IFT74: variants seen among roughly 807,000 people sequenced by gnomAD.
The protein encoded by IFT74 is intraflagellar transport 74, also known as intraflagellar transport protein 74 homolog.
IFT74 carries 92 observed loss-of-function variants against 96.7 expected under a neutral mutation model. The ratio of observed to expected loss-of-function variants is 0.95; its 90% CI spans 0.80 to 1.13. IFT74 has a LOEUF of 1.13. Ranked by LOEUF, IFT74 falls within the 50% of genes most tolerant of loss-of-function variation. The pLI, the probability that IFT74 is intolerant of heterozygous loss-of-function variation, is 0.00. For synonymous variants in IFT74, 223 were observed against 213.2 expected (o/e 1.05, Z -0.40); for missense variants, 811 against 698.2 (o/e 1.16, Z -1.82).
rs756020010 is a variant in IFT74, at chr9:26,988,676, ATAAACT to A, written c.477_482del (p.Lys159_Leu160del). On this transcript the variant is annotated inframe_deletion, in exon 7 of 20. Coordinates refer to ENST00000380062, the MANE Select transcript of IFT74 (RefSeq NM_025103.4). ...TTGTATTTTTGTTTTTAGTTGGTAG[ATAAACT>A]TAATACCAACACTGAAATGGAAGAA... The A allele has an allele frequency of 9.0e-6, 14 of 1,547,130 alleles. No homozygotes were observed. Among genetic ancestry groups the A allele is most frequent in the African/African-American group, 1.4e-5 (1 of 72,674 alleles).
At chr9:27,034,656 G>A (rs1243348236) in intron 13 of IFT74, among the ~76,000 whole-genome samples, 2 of 152,182 alleles carry the variant, frequency 1.3e-5, no homozygotes, top group African/African-American at 2.4e-5. Context: ...AGCCTCCCAA[G>A]TAGCTGGGAT....
intron 1 of IFT74, among the ~76,000 whole-genome samples, chr9:26,959,404 C>T (rs555659834): frequency 1.3e-4 from 20 of 152,214 alleles, no homozygotes; most frequent in Admixed American, 3.3e-4. Context: ...CCACCGCGCC[C>T]GGCTGGATAT....
intron 12 of IFT74, among the ~76,000 whole-genome samples, chr9:27,026,119 A>G (rs1829851411): frequency 6.6e-6 from 1 of 152,194 alleles, no homozygotes; most frequent in Admixed American, 6.5e-5. Flanking sequence ...TCTCACATAA[A>G]CTTAAGGTAA....
chr9:27,018,599 A>G (rs1440936077), intron 11 of IFT74, 48 bp from the exon 12 acceptor site: 1 of 1,028,210 alleles, frequency 9.7e-7, no homozygotes, highest in East Asian at 2.5e-5. Context: ...AGATAGCCTT[A>G]CAATGAGTTA....
intron 2 of IFT74, among the ~76,000 whole-genome samples, chr9:26,975,422 G>T (rs1463113138): frequency 1.3e-5 from 2 of 152,156 alleles, no homozygotes; most frequent in Non-Finnish European, 2.9e-5. Flanking sequence ...ATTTTGGCCG[G>T]AAAACTGAGG....
chr9:26,963,607 C>G (rs1826468674), intron 2 of IFT74, among the ~76,000 whole-genome samples: 1 of 151,192 alleles, frequency 6.6e-6, no homozygotes, highest in Non-Finnish European at 1.5e-5. Context: ...TCTCCACATC[C>G]TCTCCAGCAC....
At position 27,040,868 on chromosome 9, in the gene IFT74, C is replaced by T. The variant is rs149499621; in HGVS notation, c.1055-3874C>T. On this transcript the variant is annotated intron_variant, in intron 13 of 19. Coordinates refer to ENST00000380062, the MANE Select transcript of IFT74 (RefSeq NM_025103.4). ...AGAACTACTTCTCAGAGTATAAAAGCCTATAAAGCCTGAGTCAGGAGAACG... is the reference window on the plus strand; with the variant it reads ...AGAACTACTTCTCAGAGTATAAAAGTCTATAAAGCCTGAGTCAGGAGAACG... Among the ~76,000 whole-genome samples the T allele has an allele frequency of 3.4e-3, 512 of 152,162 alleles. 3 individuals are homozygous for T. Among genetic ancestry groups the T allele is most frequent in the Non-Finnish European group, 5.9e-3 (399 of 68,006 alleles).
In IFT74 at chr9:27,030,007, A is replaced by G. The variant is rs1043134738; in HGVS notation, c.1054+903A>G. The stretch of plus-strand genomic sequence containing the variant: ...GGGAGCTTGGGGTTTGACTATGTAG[A>G]AATACTGTGGTGGGGGTTTGGGTGT... On this transcript the variant is annotated intron_variant, in intron 13 of 19. Coordinates refer to ENST00000380062, the MANE Select transcript of IFT74 (RefSeq NM_025103.4). 1.8e-4 allele frequency among the ~76,000 whole-genome samples: 27 copies of G among 152,112 alleles called. No individual in the cohort carries two copies. The East Asian group carries it at 4.3e-3, about 24-fold the overall frequency.
At chr9:27,024,778 G>GA (rs944017168) in intron 12 of IFT74, among the ~76,000 whole-genome samples, 2 of 151,810 alleles carry the variant, frequency 1.3e-5, no homozygotes, top group East Asian at 3.9e-4. Context: ...GGATATGGAT[G>GA]AAAAAAATCT....
intron 1 of IFT74, among the ~76,000 whole-genome samples, chr9:26,951,332 A>G (rs546847235): frequency 2.6e-4 from 39 of 152,222 alleles, no homozygotes; most frequent in Admixed American, 5.9e-4. Context: ...AGGAATTGTA[A>G]CAGGGATGGT....
At chr9:27,043,282 G>T (rs1477744278) in intron 13 of IFT74, among the ~76,000 whole-genome samples, 1 of 152,124 alleles carries the variant, frequency 6.6e-6, no homozygotes, top group Non-Finnish European at 1.5e-5. Flanking sequence ...TCAGCATCAG[G>T]GTTGTCGTCA....
At chr9:26,965,384 G>A (rs1049013414) in intron 2 of IFT74, among the ~76,000 whole-genome samples, 5 of 151,964 alleles carry the variant, frequency 3.3e-5, no homozygotes, top group Admixed American at 1.3e-4. Context: ...AGCATTTTTT[G>A]GAGGGAATAA....
Position 26,980,633 on chromosome 9 carries a change from A to C in IFT74, c.305+14A>C. ...TGGGCTTCTTAGGTATGTTAAACAT[A>C]TCTTTTCATCCGTATGTTTTACTCG... On this transcript the variant is annotated intron_variant, in intron 4 of 19. Transcript: ENST00000380062. 2 of 1,544,014 alleles carry C rather than the reference A, an allele frequency of 1.3e-6. No homozygotes were observed. The highest frequency in any genetic ancestry group is 1.8e-6 in the Non-Finnish European group (2 of 1,119,912).
rs1484488045 is a variant in IFT74, at chr9:27,005,699, T to C, written c.588-3321T>C. The C allele has an allele frequency of 8.5e-5, 13 of 152,254 alleles. No homozygotes were observed. In the South Asian group the frequency reaches 2.5e-3, roughly 29 times the overall value. 9.4% of individuals were successfully genotyped at this position (152,254 alleles called of 1,614,324 possible). On this transcript the variant is annotated intron_variant, in intron 8 of 19. Coordinates refer to ENST00000380062, the MANE Select transcript of IFT74 (RefSeq NM_025103.4). ...ATTACATTTCACTTTGTTTTAACCT[T>C]TGTACCCAGTGAACAGGTGATTTAA...
chr9:27,002,787 C>T (rs1391608673), intron 8 of IFT74, among the ~76,000 whole-genome samples: 1 of 152,022 alleles, frequency 6.6e-6, no homozygotes, highest in Non-Finnish European at 1.5e-5. Flanking sequence ...TTTTATGGTT[C>T]CATATGAATT....
chr9:27,047,089 C>T (rs576546951), intron 14 of IFT74, among the ~76,000 whole-genome samples, 185 bp from the exon 15 acceptor site: 203 of 152,304 alleles, frequency 1.3e-3, no homozygotes, highest in African/African-American at 4.5e-3. Context: ...AGGAGAATCC[C>T]TTGAACCCAG....
chr9:27,028,621 A>G (rs747917824), intron 12 of IFT74, among the ~76,000 whole-genome samples: 95 of 151,992 alleles, frequency 6.3e-4, no homozygotes, highest in Non-Finnish European at 1.2e-3. Context: ...CTGGGCATGG[A>G]GGCGCGTGCC....
intron 4 of IFT74, among the ~76,000 whole-genome samples, chr9:26,981,007 C>T (rs1284307695): frequency 6.6e-6 from 1 of 152,072 alleles, no homozygotes; most frequent in Non-Finnish European, 1.5e-5. Flanking sequence ...CTGGTGGGCA[C>T]CTGTTTCTCA....
chr9:27,055,677 C>A lies in IFT74; in HGVS notation c.1402C>A (p.His468Asn). The change falls in exon 17 of 20, where the codon CAT (histidine) becomes AAT (asparagine). Residue 468 changes from histidine to asparagine, a missense_variant. Physicochemically the swap from His to Asn is moderately conservative, Grantham distance 68 (BLOSUM62 1). Coordinates refer to ENST00000380062, the MANE Select transcript of IFT74 (RefSeq NM_025103.4). Reference sequence around the variant, plus strand: ...AGAAAGTAAGATGACTGAAGAACAGCATTCTCTAAAAAGCAAAATTAAGCA... The same window carrying A: ...AGAAAGTAAGATGACTGAAGAACAGAATTCTCTAAAAAGCAAAATTAAGCA... ...LLESKMTEEQ[H>N]SLKSKIKQMT... 6.3e-7 allele frequency: 1 copy of A among 1,592,502 alleles called. No individual in the cohort carries two copies. Among genetic ancestry groups the A allele is most frequent in the Non-Finnish European group, 8.5e-7 (1 of 1,171,432 alleles).
Sources: gnomAD v4.1 joint callset for allele counts (sites outside exome capture counted in the v4.1 genomes callset) on GRCh38, gnomAD v4.1.1 for gene constraint, MANE v1.5 for transcripts, NCBI Gene and HGNC (gene_info 2026-07-23, HGNC 2026-07-21) for gene names.